The following ENTREP3 variants were observed in gnomAD, a reference collection of about 807,000 sequenced individuals.
ENTREP3 encodes the protein endosomal transmembrane epsin interactor 3, also known as protein ENTREP3.
the ENTREP3 span, chr1:155,254,955 TC>T: frequency 8.8e-7 from 1 of 1,136,332 alleles, no homozygotes; most frequent in Non-Finnish European, 1.3e-6. This position sits in a 1 kb window ranked among gnomAD's most constrained non-coding sequence, Gnocchi z 4.4. Flanking sequence ...CAAGGCCCCG[TC>T]CTTTCTCCTC....
chr1:155,251,191 C>T, the ENTREP3 span: 1 of 1,548,422 alleles, frequency 6.5e-7, no homozygotes, highest in Non-Finnish European at 8.8e-7. Context: ...GTCAAGGGTT[C>T]AGCCCTACAC....
the ENTREP3 span, among the ~76,000 whole-genome samples, chr1:155,249,748 A>C: frequency 6.6e-6 from 1 of 152,032 alleles, no homozygotes; most frequent in Non-Finnish European, 1.5e-5. Context: ...GCGTGGTGGC[A>C]GGCATCTGTA....
the ENTREP3 span, chr1:155,250,760 G>A: frequency 4.3e-6 from 7 of 1,612,006 alleles, no homozygotes; most frequent in Admixed American, 6.7e-5. This position sits in a 1 kb window ranked among gnomAD's most constrained non-coding sequence, Gnocchi z 5.4. Context: ...CCTCCGACGG[G>A]CTAGAGCCCC....
chr1:155,255,288 G>A, the ENTREP3 span: 2 of 238,160 alleles, frequency 8.4e-6, no homozygotes, highest in Admixed American at 9.9e-5. This position sits in a 1 kb window ranked among gnomAD's most constrained non-coding sequence, Gnocchi z 5.6. Context: ...GAAGAGGGGA[G>A]GGGTCGGCGT....
chr1:155,250,551 G>T, the ENTREP3 span: 8 of 1,576,840 alleles, frequency 5.1e-6, no homozygotes, highest in African/African-American at 1.3e-5. The surrounding 1 kb of genome is among the most constrained non-coding windows in gnomAD (Gnocchi z 5.4). Flanking sequence ...GGCACCCAGT[G>T]GGGGTGGAGC....
At chr1:155,252,709 TATATATATATA>T in the ENTREP3 span, 10 of 55,486 alleles carry the variant, frequency 1.8e-4, no homozygotes, top group Non-Finnish European at 1.7e-4. Context: ...TATATATATA[TATATATATATA>T]TATTTTTTTT....
chr1:155,251,841 G>C, the ENTREP3 span: 1 of 1,542,030 alleles, frequency 6.5e-7, no homozygotes, highest in East Asian at 2.3e-5. Context: ...TAGGAGAGGG[G>C]CTGGGGGCGG....
chr1:155,250,121 G>C, the ENTREP3 span, among the ~76,000 whole-genome samples: 7 of 152,172 alleles, frequency 4.6e-5, no homozygotes, highest in African/African-American at 1.7e-4. The surrounding 1 kb of genome is among the most constrained non-coding windows in gnomAD (Gnocchi z 5.4). Context: ...TCCCTAGGAG[G>C]TGAGTACCTG....
At chr1:155,249,950 C>T in the ENTREP3 span, among the ~76,000 whole-genome samples, 5 of 150,570 alleles carry the variant, frequency 3.3e-5, no homozygotes, top group Admixed American at 3.3e-4. Flanking sequence ...CCCAGCTACT[C>T]GGCAGGCTGA....
At chr1:155,250,495 A>AG in the ENTREP3 span, 7 of 1,494,362 alleles carry the variant, frequency 4.7e-6, no homozygotes, top group Non-Finnish European at 6.2e-6. This position sits in a 1 kb window ranked among gnomAD's most constrained non-coding sequence, Gnocchi z 5.4. Flanking sequence ...GGTCCCACCC[A>AG]GGGCGGCCAG....
At chr1:155,250,653 A>G in the ENTREP3 span, 1 of 1,612,030 alleles carries the variant, frequency 6.2e-7, no homozygotes, top group Non-Finnish European at 8.5e-7. This position sits in a 1 kb window ranked among gnomAD's most constrained non-coding sequence, Gnocchi z 5.4. Flanking sequence ...GCCACAGTCC[A>G]GGCTGAGGCA....
the ENTREP3 span, chr1:155,250,271 C>T: frequency 6.5e-7 from 1 of 1,545,876 alleles, no homozygotes. The surrounding 1 kb of genome is among the most constrained non-coding windows in gnomAD (Gnocchi z 5.4). Flanking sequence ...GGGGAGGGGG[C>T]TCACCAGTGT....
the ENTREP3 span, chr1:155,248,059 T>G: frequency 6.2e-7 from 1 of 1,614,230 alleles, no homozygotes; most frequent in Non-Finnish European, 8.5e-7. Flanking sequence ...CCTGCTTATG[T>G]CCATGAGCTC....
chr1:155,253,549 T>C, the ENTREP3 span: 1 of 968,310 alleles, frequency 1.0e-6, no homozygotes, highest in Non-Finnish European at 1.6e-6. Flanking sequence ...TAGCCATTGT[T>C]CCCTCAGGCA....
chr1:155,254,903 C>T, the ENTREP3 span: 5 of 1,530,380 alleles, frequency 3.3e-6, no homozygotes, highest in African/African-American at 2.7e-5. The surrounding 1 kb of genome is among the most constrained non-coding windows in gnomAD (Gnocchi z 4.4). Context: ...GCCTGCGCCT[C>T]GCTCGGCCCT....
the ENTREP3 span, chr1:155,250,424 C>CGGGGGGGGGG: frequency 1.9e-5 from 9 of 468,680 alleles, no homozygotes; most frequent in Non-Finnish European, 3.3e-5. The surrounding 1 kb of genome is among the most constrained non-coding windows in gnomAD (Gnocchi z 5.4). Flanking sequence ...CTCGGGTGGG[C>CGGGGGGGGGG]GGGGCTGCGG....
At chr1:155,254,987 G>A in the ENTREP3 span, 1 of 857,286 alleles carries the variant, frequency 1.2e-6, no homozygotes, top group Non-Finnish European at 1.8e-6. This position sits in a 1 kb window ranked among gnomAD's most constrained non-coding sequence, Gnocchi z 4.4. Context: ...TCGCTCTAGA[G>A]CCCACCCCCT....
the ENTREP3 span, chr1:155,253,570 C>T: frequency 7.7e-7 from 1 of 1,294,938 alleles, no homozygotes; most frequent in East Asian, 2.3e-5. Context: ...AGTCTCAGCA[C>T]ACACACCCCT....
chr1:155,251,158 G>C, the ENTREP3 span: 2 of 1,607,052 alleles, frequency 1.2e-6, no homozygotes, highest in Non-Finnish European at 1.7e-6. Context: ...GGGTCAAAGA[G>C]AGTGGCCTGC....
Sources: allele counts gnomAD v4.1 joint callset (sites outside exome capture counted in the v4.1 genomes callset), GRCh38; gene constraint gnomAD v4.1.1; non-coding constraint Gnocchi (gnomAD v3.1); transcripts MANE v1.5; gene names NCBI Gene and HGNC (gene_info 2026-07-23, HGNC 2026-07-21).